The following EXOC2 variants were observed in gnomAD, a reference collection of about 807,000 sequenced individuals.
The protein encoded by EXOC2 is SEC5-like 1.
A neutral mutation model predicts 131.8 loss-of-function variants in EXOC2; 70 were observed. That is an observed-to-expected ratio of 0.53 (90% confidence interval 0.44 to 0.65). EXOC2 has a LOEUF of 0.65. Ranked by LOEUF, EXOC2 falls within the 30% of genes least tolerant of loss-of-function variation. The probability of loss-of-function intolerance (pLI) is 0.00; values close to 1 mark genes in which losing one functional copy is unlikely to be tolerated. For missense variants in EXOC2, 923 were observed against 1,108.6 expected, an observed-to-expected ratio of 0.83 and a Z score of 2.38; for synonymous variants, 411 against 398.4, an observed-to-expected ratio of 1.03 and a Z score of -0.38.
intron 25 of EXOC2, among the ~76,000 whole-genome samples, chr6:495,843 A>G (rs188830318): frequency 2.0e-5 from 3 of 152,308 alleles, no homozygotes; most frequent in Admixed American, 6.5e-5. Context: ...ATCTAATTAC[A>G]TGCATGCTGG....
chr6:569,782 A>G (rs536182988), intron 13 of EXOC2, among the ~76,000 whole-genome samples: 3 of 152,340 alleles, frequency 2.0e-5, no homozygotes, highest in African/African-American at 7.2e-5. Context: ...ACAGGTAGAC[A>G]CGTCATAGGC....
chr6:600,552 A>G (rs1760073875), intron 7 of EXOC2, among the ~76,000 whole-genome samples: 1 of 152,208 alleles, frequency 6.6e-6, no homozygotes, highest in Non-Finnish European at 1.5e-5. Context: ...TGGATGTTAA[A>G]TCACCAAGCA....
At chr6:556,365 A>ATGT in intron 18 of EXOC2, 119 bp downstream of exon 18, 2 of 1,051,034 alleles carry the variant, frequency 1.9e-6, no homozygotes. Flanking sequence ...GTTAAACTAA[A>ATGT]TGGAACAAGC....
chr6:497,625 AAATG>A (rs1478040023), intron 24 of EXOC2, 136 bp from the exon 25 acceptor site: 6 of 1,146,406 alleles, frequency 5.2e-6, no homozygotes, highest in Non-Finnish European at 7.2e-6. Flanking sequence ...CCAAAATTAT[AAATG>A]AAAGGAAGAT....
At chr6:511,856 C>T (rs1764866872) in intron 23 of EXOC2, among the ~76,000 whole-genome samples, 1 of 152,248 alleles carries the variant, frequency 6.6e-6, no homozygotes, top group South Asian at 2.1e-4. Flanking sequence ...TTAGCAATGA[C>T]TCATCTGTTC....
chr6:586,592 T>C (rs1231528881), intron 11 of EXOC2, among the ~76,000 whole-genome samples: 1 of 152,226 alleles, frequency 6.6e-6, no homozygotes, highest in Non-Finnish European at 1.5e-5. Context: ...CAGCTCTTCA[T>C]GAATCCCCAA....
intron 1 of EXOC2, among the ~76,000 whole-genome samples, chr6:677,572 G>A (rs1324784169): frequency 3.9e-5 from 6 of 151,954 alleles, no homozygotes; most frequent in African/African-American, 1.2e-4. Context: ...GGGTTCAAGC[G>A]ATTCTCCTGC....
At position 486,781 on chromosome 6, in the gene EXOC2, C is replaced by G. The variant is rs1422874043; in HGVS notation, c.2682-17G>C. The G allele has an allele frequency of 1.2e-6, 2 of 1,607,476 alleles. No homozygotes were observed. Among genetic ancestry groups the G allele is most frequent in the Non-Finnish European group, 1.7e-6 (2 of 1,174,770 alleles). ...TCCAGTAACCTGCAGGACGGAGACA[C>G]TTGTTTTACAGCCCGACAGATGGGG... On this transcript the variant is annotated splice_polypyrimidine_tract_variant and intron_variant, in intron 27 of 27. Transcript: ENST00000230449.
chr6:493,313 A>G (rs9504069), intron 25 of EXOC2, among the ~76,000 whole-genome samples: 21 of 152,236 alleles, frequency 1.4e-4, no homozygotes, highest in African/African-American at 4.8e-4. Flanking sequence ...AGAAAGTTAC[A>G]AATGCTAGAA....
intron 1 of EXOC2, among the ~76,000 whole-genome samples, chr6:641,981 C>T (rs987024825): frequency 3.3e-5 from 5 of 152,144 alleles, no homozygotes; most frequent in Admixed American, 3.3e-4. Flanking sequence ...CCACAACCTC[C>T]TCCACATCCC....
At chr6:682,199 C>CT (rs10654916) in intron 1 of EXOC2, among the ~76,000 whole-genome samples, 19,936 of 129,586 alleles carry the variant, frequency 0.15, 1,805 homozygotes, top group South Asian at 0.2. Flanking sequence ...TTCCCAGTTT[C>CT]TTTTTTTTTT....
In EXOC2 at chr6:582,265, A is replaced by G. The variant is rs1758948750; in HGVS notation, c.1193-5383T>C. Among the ~76,000 whole-genome samples, 4 of 151,874 alleles carry G rather than the reference A, an allele frequency of 2.6e-5. No individual in the cohort carries two copies. The South Asian group carries it at 6.2e-4, about 24-fold the overall frequency. The stretch of plus-strand genomic sequence containing the variant: ...TATTTTTTTTTTTAACAGACTCTAT[A>G]CCACAAAAAGGGCAGAAGAGACCCT... On this transcript the variant is annotated intron_variant, in intron 11 of 27. Transcript: ENST00000230449.
intron 22 of EXOC2, among the ~76,000 whole-genome samples, chr6:535,839 G>A (rs2493040): frequency 0.48 from 72,293 of 151,996 alleles, 20,565 homozygotes; most frequent in African/African-American, 0.8. Flanking sequence ...GCAAGATATT[G>A]TAAGAAAAAA....
chr6:553,349 T>C (rs1369505118), intron 21 of EXOC2, among the ~76,000 whole-genome samples: 1 of 151,842 alleles, frequency 6.6e-6, no homozygotes, highest in African/African-American at 2.4e-5. Flanking sequence ...TATATATACA[T>C]ATGTATATAT....
chr6:518,748 T>C (rs1765299996), intron 23 of EXOC2, among the ~76,000 whole-genome samples: 1 of 152,170 alleles, frequency 6.6e-6, no homozygotes, highest in South Asian at 2.1e-4. Context: ...GAAACTGTTG[T>C]TTTCTTAAAA....
At chr6:674,960 A>T (rs1279841602) in intron 1 of EXOC2, among the ~76,000 whole-genome samples, 1 of 151,986 alleles carries the variant, frequency 6.6e-6, no homozygotes, top group Non-Finnish European at 1.5e-5. Context: ...GCCCTCCAAA[A>T]AATTATTCAG....
chr6:527,312 A>C (rs1351992216), intron 23 of EXOC2, among the ~76,000 whole-genome samples: 1 of 152,244 alleles, frequency 6.6e-6, no homozygotes, highest in Admixed American at 6.5e-5. Flanking sequence ...TTTAAGTTAC[A>C]GGATGCAAGA....
intron 2 of EXOC2, 74 bp from the exon 3 acceptor site, chr6:633,191 T>C: frequency 6.7e-7 from 1 of 1,484,508 alleles, no homozygotes. Flanking sequence ...AGATTACATT[T>C]TTTAAATCTA....
chr6:625,662 TC>T (rs1456102914), intron 4 of EXOC2, among the ~76,000 whole-genome samples: 2 of 152,124 alleles, frequency 1.3e-5, no homozygotes, highest in African/African-American at 4.8e-5. Flanking sequence ...TAATTTGCCG[TC>T]AGTTTTCCTC....
Sources: gnomAD v4.1 joint callset for allele counts (sites outside exome capture counted in the v4.1 genomes callset) on GRCh38, gnomAD v4.1.1 for gene constraint, MANE v1.5 for transcripts, NCBI Gene and HGNC (gene_info 2026-07-23, HGNC 2026-07-21) for gene names.